The following CACNA1C variants were observed in gnomAD, a reference collection of about 807,000 sequenced individuals.
The protein encoded by CACNA1C is calcium voltage-gated channel subunit alpha1 C.
Under a neutral mutation model 229.0 loss-of-function variants are expected in CACNA1C, and 30 were observed. The ratio of observed to expected loss-of-function variants is 0.13; its 90% CI spans 0.10 to 0.18. CACNA1C has a LOEUF of 0.18. CACNA1C is among the 10% of genes least tolerant of loss of function. The pLI is 1.00. For missense variants in CACNA1C, 1,658 were observed against 2,845.0 expected (o/e 0.58, Z 9.49); for synonymous variants, 1,114 against 1,132.5 (o/e 0.98, Z 0.33).
chr12:2,174,015 G>A (rs759201977), intron 3 of CACNA1C, among the ~76,000 whole-genome samples: 1 of 152,018 alleles, frequency 6.6e-6, no homozygotes, highest in Non-Finnish European at 1.5e-5. Context: ...ATCAAAGGGC[G>A]AGTTTTAATA....
intron 29 of CACNA1C, chr12:2,614,237 G>A (rs1215543410): frequency 6.6e-6 from 1 of 152,224 alleles, no homozygotes; most frequent in East Asian, 1.9e-4. Context: ...GAGAAGATGG[G>A]GCAAGATAAC....
chr12:2,258,615 G>T (rs978835548), intron 3 of CACNA1C, among the ~76,000 whole-genome samples: 1 of 152,158 alleles, frequency 6.6e-6, no homozygotes, highest in Non-Finnish European at 1.5e-5. Context: ...ACTGGGACTG[G>T]GTTTCCCAAC....
intron 37 of CACNA1C, among the ~76,000 whole-genome samples, chr12:2,667,003 G>T (rs1182488122): frequency 6.6e-6 from 1 of 152,162 alleles, no homozygotes; most frequent in African/African-American, 2.4e-5. Flanking sequence ...TAAAGGACTT[G>T]TTCAGTCCAT....
At chr12:2,436,579 G>A (rs2099136807) in intron 3 of CACNA1C, among the ~76,000 whole-genome samples, 3 of 152,176 alleles carry the variant, frequency 2.0e-5, no homozygotes, top group Admixed American at 2.0e-4. Context: ...ACACAGGCTG[G>A]GAGCTAACAG....
Position 2,348,973 on chromosome 12 carries a change from G to A in CACNA1C, c.478-100003G>A, listed in dbSNP as rs770080824. Reference sequence around the variant, plus strand: ...AACTGGTATGATACTTTGGAGTTCAGTTAGCCCAGAATGGTGAAGAAAATG... The same window carrying A: ...AACTGGTATGATACTTTGGAGTTCAATTAGCCCAGAATGGTGAAGAAAATG... On this transcript the variant is annotated intron_variant, in intron 3 of 46. Transcript: ENST00000399655. This position sits in a 1 kb window ranked among gnomAD's most constrained non-coding sequence, Gnocchi z 4.7. 7.2e-5 allele frequency among the ~76,000 whole-genome samples: 11 copies of A among 152,182 alleles called. No individual in the cohort carries two copies. Among genetic ancestry groups the A allele is most frequent in the Non-Finnish European group, 1.3e-4 (9 of 68,032 alleles).
chr12:2,298,330 C>T lies in CACNA1C; in HGVS notation c.478-150646C>T, dbSNP rs545433361. On this transcript the variant is annotated intron_variant, in intron 3 of 46. Transcript: ENST00000399655. ...GGGTCTTTTTTTTTAGACAGAGTCT[C>T]GCTCTGTTGCCAGGCTGGAGTGCAG... Among the ~76,000 whole-genome samples, 6 of 152,038 alleles carry T rather than the reference C, an allele frequency of 3.9e-5. No individual in the cohort carries two copies. In the South Asian group the frequency reaches 1.0e-3, roughly 26 times the overall value.
intron 14 of CACNA1C, among the ~76,000 whole-genome samples, chr12:2,582,377 A>C: frequency 6.6e-6 from 1 of 152,216 alleles, no homozygotes; most frequent in East Asian, 1.9e-4. Flanking sequence ...GTTTAAAAGC[A>C]GATCGATTGA....
In CACNA1C at chr12:2,633,152, A is replaced by G. The variant is rs963257320; in HGVS notation, c.3829-1145A>G. On this transcript the variant is annotated intron_variant, in intron 29 of 46. Coordinates refer to ENST00000399655, the MANE Select transcript of CACNA1C (RefSeq NM_000719.7). The surrounding 1 kb of genome is among the most constrained non-coding windows in gnomAD (Gnocchi z 5.8). ...CAAAGCCTTTTTCATTCCCAGCTTC[A>G]CCCATAGGACCGAGCCCGCTACCCT... Among the ~76,000 whole-genome samples, 4 of 151,874 alleles carry G rather than the reference A, an allele frequency of 2.6e-5. No individual in the cohort carries two copies. Among genetic ancestry groups the G allele is most frequent in the African/African-American group, 9.7e-5 (4 of 41,332 alleles).
Position 2,054,160 on chromosome 12 carries a change from G to C in CACNA1C, c.49+549G>C, listed in dbSNP as rs1417014738. On this transcript the variant is annotated intron_variant, in intron 1 of 46. Coordinates refer to ENST00000399655, the MANE Select transcript of CACNA1C (RefSeq NM_000719.7). The surrounding 1 kb of genome is among the most constrained non-coding windows in gnomAD (Gnocchi z 5.5). Reference sequence around the variant, plus strand: ...CCCTGCCCTGGGCGGCGCGCTCCAGGTGGCGGGTGGGGGCGGCGGTGCAGA... The same window carrying C: ...CCCTGCCCTGGGCGGCGCGCTCCAGCTGGCGGGTGGGGGCGGCGGTGCAGA... Among the ~76,000 whole-genome samples the C allele has an allele frequency of 6.6e-6, 1 of 151,754 alleles. No homozygotes were observed. Among genetic ancestry groups the C allele is most frequent in the African/African-American group, 2.4e-5 (1 of 41,420 alleles).
intron 9 of CACNA1C, among the ~76,000 whole-genome samples, chr12:2,540,846 C>T (rs549012098): frequency 3.3e-5 from 5 of 152,266 alleles, no homozygotes; most frequent in African/African-American, 9.6e-5. Flanking sequence ...GTGTCTTAGT[C>T]GGCCAGGGCT....
intron 15 of CACNA1C, among the ~76,000 whole-genome samples, chr12:2,584,287 G>A (rs2061611202): frequency 6.6e-6 from 1 of 152,172 alleles, no homozygotes; most frequent in African/African-American, 2.4e-5. Flanking sequence ...AGGCTAGCCT[G>A]TTCTCATCCC....
intron 3 of CACNA1C, among the ~76,000 whole-genome samples, chr12:2,370,567 A>G (rs1395151812): frequency 1.3e-5 from 2 of 152,258 alleles, no homozygotes; most frequent in African/African-American, 4.8e-5. Context: ...GATATAAAAT[A>G]TATGGACAGC....
chr12:2,072,324 G>C (rs190048545), intron 1 of CACNA1C, among the ~76,000 whole-genome samples: 51 of 152,150 alleles, frequency 3.4e-4, no homozygotes, highest in Admixed American at 1.6e-3. Flanking sequence ...CCAGCCTCCT[G>C]AGTAGCTGGG....
chr12:2,070,819 CCCTT>C (rs1344456290), intron 1 of CACNA1C, among the ~76,000 whole-genome samples: 1 of 151,954 alleles, frequency 6.6e-6, no homozygotes, highest in African/African-American at 2.4e-5. Context: ...TTCTTTCTTT[CCCTT>C]CCTTTCTTTT....
chr12:1,977,005 TC>T (rs1370696840), intron 1 of CACNA1C, among the ~76,000 whole-genome samples: 1 of 152,144 alleles, frequency 6.6e-6, no homozygotes, highest in African/African-American at 2.4e-5. Context: ...CCAATAAATA[TC>T]CTAGAATGGA....
intron 3 of CACNA1C, among the ~76,000 whole-genome samples, chr12:2,276,353 T>C (rs1601796600): frequency 1.3e-5 from 2 of 152,332 alleles, no homozygotes; most frequent in South Asian, 4.1e-4. Flanking sequence ...CTAGAATTTC[T>C]ACCTTTAGCA....
In CACNA1C at chr12:2,630,039, T is replaced by G. The variant is rs2089600987; in HGVS notation, c.3829-4258T>G. ...GATTGGGGGATGGCGAGGGCAAGGC[T>G]TCCAGCTGCAAAAACGCTTTCCCTT... On this transcript the variant is annotated intron_variant, in intron 29 of 46. Transcript: ENST00000399655. This position sits in a 1 kb window ranked among gnomAD's most constrained non-coding sequence, Gnocchi z 5.4. Among the ~76,000 whole-genome samples, 1 of 152,182 alleles carries G rather than the reference T, an allele frequency of 6.6e-6. No homozygotes were observed. The highest frequency in any genetic ancestry group is 2.4e-5 in the African/African-American group (1 of 41,438).
At chr12:2,675,322 C>A (rs1304349835) in intron 39 of CACNA1C, among the ~76,000 whole-genome samples, 2 of 152,162 alleles carry the variant, frequency 1.3e-5, no homozygotes, top group Admixed American at 6.5e-5. Context: ...TTGATGAGAT[C>A]TTCTCATGCA....
At chr12:2,311,525 C>T (rs2095435512) in intron 3 of CACNA1C, among the ~76,000 whole-genome samples, 1 of 152,174 alleles carries the variant, frequency 6.6e-6, no homozygotes, top group Non-Finnish European at 1.5e-5. Flanking sequence ...ACAGTCCCAA[C>T]CTGAGAAGAG....
Sources: gnomAD v4.1 joint callset for allele counts (sites outside exome capture counted in the v4.1 genomes callset) on GRCh38, gnomAD v4.1.1 for gene constraint, Gnocchi (gnomAD v3.1) non-coding constraint, MANE v1.5 for transcripts, NCBI Gene and HGNC (gene_info 2026-07-23, HGNC 2026-07-21) for gene names.